Variants in TBC1D5 observed in about 807,000 individuals in gnomAD.
The protein encoded by TBC1D5 is TBC1 domain family, member 5.
In TBC1D5, 75 loss-of-function variants were observed where a neutral mutation model predicts 100.3. The ratio of observed to expected loss-of-function variants is 0.75; its 90% CI spans 0.62 to 0.91. The LOEUF is 0.91. Among genes scored for constraint, TBC1D5 ranks in the 40% least tolerant of loss-of-function variants. The probability of loss-of-function intolerance (pLI) is 0.00; values close to 1 mark genes in which losing one functional copy is unlikely to be tolerated. For missense variants in TBC1D5, 910 were observed against 942.4 expected, an observed-to-expected ratio of 0.97 and a Z score of 0.45; for synonymous variants, 323 against 325.6, an observed-to-expected ratio of 0.99 and a Z score of 0.09.
At chr3:17,284,242 C>A (rs2080930118) in intron 15 of TBC1D5, among the ~76,000 whole-genome samples, 1 of 152,082 alleles carries the variant, frequency 6.6e-6, no homozygotes, top group Admixed American at 6.5e-5. Context: ...CTCAGCCTCC[C>A]AAGTAGCTGA....
intron 13 of TBC1D5, among the ~76,000 whole-genome samples, chr3:17,337,123 G>GTTTTTTTTTTTTTTTTTTTTTTT (rs11328091): frequency 6.0e-5 from 7 of 116,130 alleles, no homozygotes; most frequent in African/African-American, 2.1e-4. Context: ...TATCTGAGAG[G>GTTTTTTTTTTTTTTTTTTTTTTT]TTTTTTTTTT....
chr3:17,237,490 C>G (rs192326249), intron 17 of TBC1D5, among the ~76,000 whole-genome samples: 41 of 152,296 alleles, frequency 2.7e-4, no homozygotes, highest in Non-Finnish European at 3.7e-4. Flanking sequence ...GGCCCTAACA[C>G]AGAAATTAGC....
At chr3:17,261,862 A>C (rs2078331281) in intron 15 of TBC1D5, among the ~76,000 whole-genome samples, 1 of 148,174 alleles carries the variant, frequency 6.7e-6, no homozygotes, top group Admixed American at 6.7e-5. Context: ...TTTTTTTTTC[A>C]AATAAAACTT....
intron 8 of TBC1D5, among the ~76,000 whole-genome samples, chr3:17,388,242 A>G (rs1016576185): frequency 6.6e-6 from 1 of 152,136 alleles, no homozygotes; most frequent in Non-Finnish European, 1.5e-5. Context: ...AGTACACAAT[A>G]ATAACAAGAG....
intron 2 of TBC1D5, among the ~76,000 whole-genome samples, chr3:17,518,525 G>C (rs1055564481): frequency 6.6e-6 from 1 of 152,158 alleles, no homozygotes; most frequent in Non-Finnish European, 1.5e-5. Context: ...CTCCTTTCCA[G>C]CTCCCCTTCC....
chr3:17,591,090 G>T (rs946713182), intron 2 of TBC1D5, among the ~76,000 whole-genome samples: 2 of 151,484 alleles, frequency 1.3e-5, no homozygotes, highest in African/African-American at 4.9e-5. Flanking sequence ...CAAAAAATTA[G>T]CCAGGTGTGG....
chr3:17,230,770 T>C (rs975542977), intron 17 of TBC1D5, among the ~76,000 whole-genome samples: 4 of 152,152 alleles, frequency 2.6e-5, no homozygotes, highest in African/African-American at 9.7e-5. Context: ...TGTTAATACC[T>C]AAATCTAGTC....
intron 3 of TBC1D5, among the ~76,000 whole-genome samples, chr3:17,456,775 A>C (rs1164619352): frequency 6.6e-6 from 1 of 152,224 alleles, no homozygotes; most frequent in Non-Finnish European, 1.5e-5. Context: ...GAGTAAAAAA[A>C]TGTGGTATAA....
intron 1 of TBC1D5, among the ~76,000 whole-genome samples, chr3:17,625,554 A>G (rs2153659503): frequency 6.6e-6 from 1 of 152,240 alleles, no homozygotes; most frequent in South Asian, 2.1e-4. Flanking sequence ...GAATGGCATT[A>G]CAAGACTGAG....
At chr3:17,562,574 T>C (rs376529382) in intron 2 of TBC1D5, among the ~76,000 whole-genome samples, 12 of 149,560 alleles carry the variant, frequency 8.0e-5, no homozygotes, top group African/African-American at 2.7e-4. Context: ...AAACTTAATA[T>C]TTACTGTGAG....
intron 1 of TBC1D5, among the ~76,000 whole-genome samples, chr3:17,684,959 T>C (rs1446887054): frequency 6.6e-6 from 1 of 151,996 alleles, no homozygotes; most frequent in Non-Finnish European, 1.5e-5. Context: ...TAAAATAAAA[T>C]AACCAAGACT....
chr3:17,555,437 G>A (rs1161491990), intron 2 of TBC1D5, among the ~76,000 whole-genome samples: 3 of 152,136 alleles, frequency 2.0e-5, no homozygotes, highest in Non-Finnish European at 4.4e-5. Context: ...GGGCTTCCAG[G>A]TCATAGGTGG....
intron 13 of TBC1D5, among the ~76,000 whole-genome samples, chr3:17,326,756 G>A (rs921015005): frequency 2.0e-5 from 3 of 152,206 alleles, no homozygotes; most frequent in Admixed American, 1.3e-4. Flanking sequence ...TTGCTGGCAT[G>A]AGCCAGGGCA....
At chr3:17,672,385 G>C (rs1176548424) in intron 1 of TBC1D5, among the ~76,000 whole-genome samples, 1 of 151,798 alleles carries the variant, frequency 6.6e-6, no homozygotes, top group Non-Finnish European at 1.5e-5. Context: ...TTATATACCT[G>C]GGCACAAAAT....
rs182859791 is a variant in TBC1D5 at position 17,212,621 on chromosome 3, C to A, written c.1752+1586G>T. Among the ~76,000 whole-genome samples, 471 of 152,114 alleles carry A rather than the reference C, an allele frequency of 3.1e-3. 1 individual carries two copies. The highest frequency in any genetic ancestry group is 5.3e-3 in the Non-Finnish European group (362 of 68,002). On this transcript the variant is annotated intron_variant, in intron 18 of 21. Coordinates refer to ENST00000253692, the Ensembl canonical transcript of TBC1D5. ...CTATGAGTGTCACTGCCCCCAAAGACCCTCCAGGGGGACAAAACGTGGAGG... is the reference window on the plus strand; with the variant it reads ...CTATGAGTGTCACTGCCCCCAAAGAACCTCCAGGGGGACAAAACGTGGAGG...
chr3:17,168,810 C>A (rs1359690232), intron 19 of TBC1D5, among the ~76,000 whole-genome samples: 4 of 152,144 alleles, frequency 2.6e-5, no homozygotes, highest in Non-Finnish European at 1.5e-5. Flanking sequence ...TGCCCACTTA[C>A]AATGTCTTCC....
At chr3:17,663,949 T>C (rs1213533020) in intron 1 of TBC1D5, among the ~76,000 whole-genome samples, 2 of 152,244 alleles carry the variant, frequency 1.3e-5, no homozygotes, top group South Asian at 2.1e-4. Flanking sequence ...CCATTTTTCA[T>C]ATAAAAAACT....
chr3:17,525,183 G>A (rs2096116996), intron 2 of TBC1D5, among the ~76,000 whole-genome samples: 1 of 152,076 alleles, frequency 6.6e-6, no homozygotes, highest in African/African-American at 2.4e-5. Context: ...AGGCTGGAGT[G>A]CAATGACGCG....
At chr3:17,721,205 AG>A (rs2075670965) in intron 1 of TBC1D5, among the ~76,000 whole-genome samples, 1 of 152,202 alleles carries the variant, frequency 6.6e-6, no homozygotes, top group Non-Finnish European at 1.5e-5. Flanking sequence ...AACTATAAAA[AG>A]AAAAATCTAG....
Sources: gnomAD v4.1 joint callset for allele counts (sites outside exome capture counted in the v4.1 genomes callset) on GRCh38, gnomAD v4.1.1 for gene constraint, MANE v1.5 for transcripts, NCBI Gene and HGNC (gene_info 2026-07-23, HGNC 2026-07-21) for gene names.